The following AIG1 variants were observed in gnomAD, a reference collection of about 807,000 sequenced individuals.
AIG1 encodes the protein androgen-induced gene 1 protein.
AIG1 carries 23 observed loss-of-function variants against 31.4 expected under a neutral mutation model. The ratio of observed to expected loss-of-function variants is 0.73; its 90% CI spans 0.53 to 1.04. The LOEUF (loss-of-function observed/expected upper bound fraction) is 1.04. Ranked by LOEUF, AIG1 falls within the 50% of genes least tolerant of loss-of-function variation. The pLI, the probability that AIG1 is intolerant of heterozygous loss-of-function variation, is 0.00. For synonymous variants in AIG1, 100 were observed against 110.5 expected, an observed-to-expected ratio of 0.90 and a Z score of 0.60; for missense variants, 274 against 295.0, an observed-to-expected ratio of 0.93 and a Z score of 0.52.
At chr6:143,188,700 C>T (rs1789505464) in intron 3 of AIG1, 6 of 985,156 alleles carry the variant, frequency 6.1e-6, no homozygotes, top group Non-Finnish European at 7.2e-6. Context: ...CTAGAGCTCT[C>T]TAAGGAGACT....
At chr6:143,176,582 G>A (rs1377591433) in intron 3 of AIG1, among the ~76,000 whole-genome samples, 1 of 151,850 alleles carries the variant, frequency 6.6e-6, no homozygotes, top group Non-Finnish European at 1.5e-5. Flanking sequence ...TCCCGGGGGG[G>A]TTATAGCTGT....
intron 4 of AIG1, among the ~76,000 whole-genome samples, chr6:143,290,115 T>C (rs1797952112): frequency 1.3e-5 from 2 of 152,066 alleles, no homozygotes; most frequent in Admixed American, 1.3e-4. Context: ...GCGGCATATA[T>C]GTATGGGTCT....
intron 3 of AIG1, among the ~76,000 whole-genome samples, chr6:143,247,419 T>C (rs1490709183): frequency 6.6e-6 from 1 of 152,238 alleles, no homozygotes; most frequent in Non-Finnish European, 1.5e-5. Flanking sequence ...TAGGGGGACT[T>C]GATCACATAC....
intron 1 of AIG1, among the ~76,000 whole-genome samples, chr6:143,088,966 T>G (rs1214296770): frequency 1.3e-5 from 2 of 152,124 alleles, no homozygotes; most frequent in African/African-American, 4.8e-5. Context: ...ATCCCAGCAC[T>G]TTGGGAGGCT....
intron 1 of AIG1, among the ~76,000 whole-genome samples, chr6:143,088,768 T>C (rs1367090734): frequency 1.3e-5 from 2 of 152,204 alleles, no homozygotes; most frequent in Non-Finnish European, 2.9e-5. Flanking sequence ...CCAAAGTGAA[T>C]ACAGGAAACA....
chr6:143,229,784 C>CAAAAAAAA lies in AIG1; in HGVS notation c.400-54313_400-54306dup, dbSNP rs751464049. Among the ~76,000 whole-genome samples the CAAAAAAAA allele has an allele frequency of 4.0e-4, 32 of 80,482 alleles. 2 individuals carry two copies. The highest frequency in any genetic ancestry group is 9.8e-4 in the Admixed American group (7 of 7,116). 52.8% of individuals were successfully genotyped at this position (80,482 alleles called of 152,430 possible). On this transcript the variant is annotated intron_variant, in intron 3 of 5. Transcript: ENST00000357847. ...GCCTCTCGTTTCTGGACTCTCAGAA[C>CAAAAAAAA]AAAAAAAAAAAAAAAAAAAAGGATC...
intron 3 of AIG1, among the ~76,000 whole-genome samples, chr6:143,214,291 C>T (rs1791832935): frequency 6.6e-6 from 1 of 152,204 alleles, no homozygotes; most frequent in African/African-American, 2.4e-5. Flanking sequence ...GACTTGAGAT[C>T]AGAAAACCTT....
chr6:143,146,145 C>T (rs1784684200), intron 2 of AIG1, among the ~76,000 whole-genome samples: 1 of 152,168 alleles, frequency 6.6e-6, no homozygotes, highest in Admixed American at 6.5e-5. Context: ...ACCCTTCCCC[C>T]TAGAAATTAT....
At chr6:143,202,149 C>G (rs1322606608) in intron 3 of AIG1, among the ~76,000 whole-genome samples, 1 of 152,186 alleles carries the variant, frequency 6.6e-6, no homozygotes, top group Non-Finnish European at 1.5e-5. Context: ...TCTTCTTCCT[C>G]TCATTCCTAC....
chr6:143,179,586 A>C (rs1788530624), intron 3 of AIG1, among the ~76,000 whole-genome samples: 1 of 152,222 alleles, frequency 6.6e-6, no homozygotes, highest in East Asian at 1.9e-4. Context: ...ATTTACACTA[A>C]AGTTTTAGAA....
chr6:143,128,088 C>T (rs1334482), intron 1 of AIG1, among the ~76,000 whole-genome samples: 10,741 of 152,188 alleles, frequency 0.071, 802 homozygotes, highest in East Asian at 0.38. Flanking sequence ...TGGTAGAAGT[C>T]TAATGAATTT....
At chr6:143,064,466 G>C (rs1776519376) in intron 1 of AIG1, among the ~76,000 whole-genome samples, 1 of 152,170 alleles carries the variant, frequency 6.6e-6, no homozygotes, top group African/African-American at 2.4e-5. Flanking sequence ...CATACCTGCT[G>C]ACAGCTTAAT....
intron 3 of AIG1, among the ~76,000 whole-genome samples, chr6:143,259,306 A>AT (rs1255018844): frequency 6.6e-6 from 1 of 152,208 alleles, no homozygotes; most frequent in Non-Finnish European, 1.5e-5. Context: ...ATCAATAGAC[A>AT]TTTTTTAGTC....
intron 3 of AIG1, among the ~76,000 whole-genome samples, chr6:143,231,837 A>C (rs1050617012): frequency 4.6e-5 from 7 of 152,198 alleles, no homozygotes; most frequent in Non-Finnish European, 1.5e-5. Flanking sequence ...TGTTGTAGCT[A>C]CTGTGTTTGA....
At chr6:143,140,487 T>C (rs1409488928) in intron 2 of AIG1, among the ~76,000 whole-genome samples, 1 of 152,192 alleles carries the variant, frequency 6.6e-6, no homozygotes, top group Non-Finnish European at 1.5e-5. Flanking sequence ...CCGCAACTGC[T>C]CAAAAGGGTC....
intron 3 of AIG1, among the ~76,000 whole-genome samples, chr6:143,203,088 TTC>T: frequency 6.6e-6 from 1 of 152,208 alleles, no homozygotes; most frequent in South Asian, 2.1e-4. Context: ...CATATGGGCC[TTC>T]TTAGAATTAC....
rs141495190 is a variant in AIG1 at position 143,261,439 on chromosome 6, G to A, written c.400-22671G>A. 7.9e-3 allele frequency among the ~76,000 whole-genome samples: 1,197 copies of A among 152,294 alleles called. 8 individuals are homozygous for A. The highest frequency in any genetic ancestry group is 0.034 in the Middle Eastern group (10 of 294). The stretch of plus-strand genomic sequence containing the variant: ...GAGCCAATGCGCCTGGCCACTGGTA[G>A]CTGTTAGGTGTTGGCATTTTCCAGC... On this transcript the variant is annotated intron_variant, in intron 3 of 5. Coordinates refer to ENST00000357847, the MANE Select transcript of AIG1 (RefSeq NM_016108.4).
chr6:143,278,164 C>A (rs1352745106), intron 3 of AIG1, among the ~76,000 whole-genome samples: 1 of 152,218 alleles, frequency 6.6e-6, no homozygotes, highest in East Asian at 1.9e-4. Flanking sequence ...CTGTCAGAAT[C>A]TAAACCTCCA....
At chr6:143,276,090 T>C (rs1260745042) in intron 3 of AIG1, among the ~76,000 whole-genome samples, 5 of 152,216 alleles carry the variant, frequency 3.3e-5, no homozygotes, top group Admixed American at 2.0e-4. Flanking sequence ...CAGCAAGAGA[T>C]AGTTACTGCC....
Sources: allele counts gnomAD v4.1 joint callset (sites outside exome capture counted in the v4.1 genomes callset), GRCh38; gene constraint gnomAD v4.1.1; transcripts MANE v1.5; gene names NCBI Gene and HGNC (gene_info 2026-07-23, HGNC 2026-07-21).